Variants in ASPRV1 observed in about 807,000 individuals in gnomAD.
The protein encoded by ASPRV1 is aspartic peptidase retroviral like 1, also known as retroviral-like aspartic protease 1.
Under a neutral mutation model 11.0 loss-of-function variants are expected in ASPRV1, and 7 were observed. The observed-to-expected ratio is 0.64, with a 90% CI of 0.36 to 1.20. The LOEUF (loss-of-function observed/expected upper bound fraction) is 1.20, where lower values mean the gene tolerates loss of function less well. Among genes scored for constraint, ASPRV1 ranks in the 50% most tolerant of loss-of-function variants. The pLI is 0.02. For missense variants in ASPRV1, 299 were observed against 320.0 expected (o/e 0.93, Z 0.50); for synonymous variants, 136 against 138.4 (o/e 0.98, Z 0.12).
At chr2:70,063,374 C>T in the ASPRV1 span, among the ~76,000 whole-genome samples, 2 of 152,114 alleles carry the variant, frequency 1.3e-5, no homozygotes, top group Non-Finnish European at 2.9e-5. Flanking sequence ...GACAGAGTCC[C>T]GTACTATATT....
chr2:69,992,544 T>C, the ASPRV1 span, among the ~76,000 whole-genome samples: 2 of 152,238 alleles, frequency 1.3e-5, no homozygotes, highest in Admixed American at 6.5e-5. Flanking sequence ...AAATCTAATT[T>C]CCACTAGGTG....
chr2:70,073,206 T>A, the ASPRV1 span: 1 of 152,172 alleles, frequency 6.6e-6, no homozygotes, highest in Non-Finnish European at 1.5e-5. Flanking sequence ...TAGAAAACAT[T>A]CCTGTAATTG....
At chr2:69,991,711 C>T in the ASPRV1 span, among the ~76,000 whole-genome samples, 2 of 152,026 alleles carry the variant, frequency 1.3e-5, no homozygotes, top group South Asian at 4.1e-4. Flanking sequence ...CCAGACCTGG[C>T]TAATTTTGTA....
the ASPRV1 span, among the ~76,000 whole-genome samples, chr2:70,067,648 T>C: frequency 6.6e-6 from 1 of 152,214 alleles, no homozygotes; most frequent in Non-Finnish European, 1.5e-5. Context: ...ACATAAGATG[T>C]TATATCACTT....
At chr2:69,964,101 C>T, upstream of ASPRV1, 1 of 213,380 alleles carries the variant, frequency 4.7e-6, no homozygotes, top group Non-Finnish European at 9.7e-6. Flanking sequence ...TGCATGGAAG[C>T]CTTGGTCACA....
At chr2:70,022,688 TA>T in the ASPRV1 span, among the ~76,000 whole-genome samples, 11 of 149,336 alleles carry the variant, frequency 7.4e-5, no homozygotes, top group African/African-American at 2.7e-4. Context: ...AGACCCTGTT[TA>T]AAAAAAAAAT....
At chr2:70,035,505 C>G in the ASPRV1 span, among the ~76,000 whole-genome samples, 1 of 151,868 alleles carries the variant, frequency 6.6e-6, no homozygotes, top group Admixed American at 6.6e-5. Context: ...TCTTCACTCA[C>G]TCACTCATTT....
At chr2:69,938,024 A>G in the ASPRV1 span, 16 of 1,450,962 alleles carry the variant, frequency 1.1e-5, no homozygotes, top group Admixed American at 1.9e-5. Context: ...TGGGATTACA[A>G]GCATGAGCCA....
At chr2:69,972,388 T>TG in the ASPRV1 span, among the ~76,000 whole-genome samples, 1 of 123,640 alleles carries the variant, frequency 8.1e-6, no homozygotes, top group South Asian at 2.6e-4. Context: ...GATGGAGTCT[T>TG]GCTCTGTCGC....
chr2:70,035,976 G>A, the ASPRV1 span, among the ~76,000 whole-genome samples: 1 of 151,484 alleles, frequency 6.6e-6, no homozygotes, highest in Non-Finnish European at 1.5e-5. Flanking sequence ...TCAAAGAAAT[G>A]AAGCCAGAAT....
chr2:70,029,856 G>T, the ASPRV1 span: 1 of 152,110 alleles, frequency 6.6e-6, no homozygotes, highest in East Asian at 1.9e-4. Context: ...GCCACAAATG[G>T]TGGGAGAAAG....
the ASPRV1 span, chr2:70,031,173 GGTT>G: frequency 1.3e-5 from 2 of 151,918 alleles, no homozygotes; most frequent in African/African-American, 4.8e-5. Flanking sequence ...AATATTTACT[GGTT>G]TTTTTCTATG....
upstream of ASPRV1, chr2:69,964,177 C>T (rs1678253283): frequency 3.1e-6 from 1 of 324,478 alleles, no homozygotes; most frequent in East Asian, 8.6e-5. Flanking sequence ...ACCTCCACCC[C>T]TGCTTAGCTG....
At chr2:69,981,527 T>C in the ASPRV1 span, among the ~76,000 whole-genome samples, 1 of 152,344 alleles carries the variant, frequency 6.6e-6, no homozygotes, top group East Asian at 1.9e-4. Context: ...GAAATATGTT[T>C]ATAATCAGGA....
chr2:70,015,164 C>T, the ASPRV1 span, among the ~76,000 whole-genome samples: 1 of 152,112 alleles, frequency 6.6e-6, no homozygotes, highest in Non-Finnish European at 1.5e-5. Flanking sequence ...ATTAACTTCA[C>T]ATTTAAGAAC....
the ASPRV1 span, among the ~76,000 whole-genome samples, chr2:70,029,662 A>G: frequency 1.3e-5 from 2 of 152,128 alleles, no homozygotes; most frequent in East Asian, 3.9e-4. Context: ...ACAAAATAGG[A>G]GTCCTGGACT....
At chr2:69,941,437 G>A in the ASPRV1 span, 14 of 152,320 alleles carry the variant, frequency 9.2e-5, no homozygotes, top group Admixed American at 3.3e-4. Context: ...TGCTAGTTTA[G>A]TGATTCAAAA....
At chr2:70,057,306 CAG>C in the ASPRV1 span, among the ~76,000 whole-genome samples, 1 of 152,010 alleles carries the variant, frequency 6.6e-6, no homozygotes, top group African/African-American at 2.4e-5. Context: ...AACAAGTATA[CAG>C]AGTTTCTCCT....
the ASPRV1 span, among the ~76,000 whole-genome samples, chr2:70,081,958 A>G: frequency 6.6e-6 from 1 of 151,930 alleles, no homozygotes; most frequent in African/African-American, 2.4e-5. Flanking sequence ...TAAAAAAAAA[A>G]GCTACGTTAG....
Sources: gnomAD v4.1 joint callset for allele counts (sites outside exome capture counted in the v4.1 genomes callset) on GRCh38, gnomAD v4.1.1 for gene constraint, MANE v1.5 for transcripts, NCBI Gene and HGNC (gene_info 2026-07-23, HGNC 2026-07-21) for gene names.